The following ATP13A2 variants were observed in gnomAD, a reference collection of about 807,000 sequenced individuals.
ATP13A2 encodes the protein ATPase cation transporting 13A2.
In ATP13A2, 83 loss-of-function variants were observed where a neutral mutation model predicts 138.3. The observed-to-expected ratio is 0.60, with a 90% CI of 0.50 to 0.72. The LOEUF is 0.72. Ranked by LOEUF, ATP13A2 falls within the 30% of genes least tolerant of loss-of-function variation. The pLI is 0.00. For missense variants in ATP13A2, 1,402 were observed against 1,606.4 expected (o/e 0.87, Z 2.17); for synonymous variants, 663 against 699.0 (o/e 0.95, Z 0.81).
At chr1:17,007,143 G>A (rs980864431) in intron 1 of ATP13A2, among the ~76,000 whole-genome samples, 4 of 152,198 alleles carry the variant, frequency 2.6e-5, no homozygotes, top group African/African-American at 9.7e-5. Context: ...CTCCCTGAGT[G>A]CTGGGCTGAC....
At chr1:17,002,465 C>G (rs1175179881) in intron 6 of ATP13A2, 92 bp from the exon 7 acceptor site, 3 of 1,415,982 alleles carry the variant, frequency 2.1e-6, no homozygotes, top group Non-Finnish European at 2.9e-6. Flanking sequence ...GGGCTCTAGG[C>G]CCCCCATCCC....
chr1:16,989,852 G>T, intron 22 of ATP13A2, 35 bp downstream of exon 22: 1 of 1,609,002 alleles, frequency 6.2e-7, no homozygotes, highest in South Asian at 1.1e-5. Flanking sequence ...AGCAGGGGAG[G>T]CGCAGGGCGG....
Position 16,997,025 on chromosome 1 carries a change from C to A in ATP13A2, c.1190G>T (p.Arg397Leu). 1 of 1,611,884 alleles carries A rather than the reference C, an allele frequency of 6.2e-7. No individual in the cohort carries two copies. The highest frequency in any genetic ancestry group is 8.5e-7 in the Non-Finnish European group (1 of 1,179,858). The change falls in exon 12 of 29, where the codon CGC (arginine) becomes CTC (leucine). Residue 397 changes from arginine (R) to leucine (L), a missense_variant. Physicochemically the swap from Arg to Leu is moderately radical, Grantham distance 102 (BLOSUM62 -2). Transcript: ENST00000326735. ...VGPHVLAVVTRTGFCTAKGGL... is the reference protein window; with the variant it reads ...VGPHVLAVVTLTGFCTAKGGL... ...CCCAGCCTCCCGGCTCATACCTGTGCGGGTCACCACTGCCAGGACGTGCGG... is the reference window on the plus strand; with the variant it reads ...CCCAGCCTCCCGGCTCATACCTGTGAGGGTCACCACTGCCAGGACGTGCGG...
rs2077767809 is a variant in ATP13A2, at chr1:17,011,032, G to A, written c.10+697C>T. Among the ~76,000 whole-genome samples, 1 of 152,140 alleles carries A rather than the reference G, an allele frequency of 6.6e-6. No homozygotes were observed. Among genetic ancestry groups the A allele is most frequent in the African/African-American group, 2.4e-5 (1 of 41,432 alleles). ...CGGGGGGTGCACTCTAGGCTGTGGG[G>A]CTGGGGGCTGAGTGACAGACACTGA... On this transcript the variant is annotated intron_variant, in intron 1 of 28. Transcript: ENST00000326735. The surrounding 1 kb of genome is among the most constrained non-coding windows in gnomAD (Gnocchi z 7.3).
chr1:17,000,626 C>T, intron 8 of ATP13A2, 92 bp from the exon 9 acceptor site: 1 of 1,499,990 alleles, frequency 6.7e-7, no homozygotes, highest in South Asian at 1.3e-5. Context: ...GAGCAGAGGG[C>T]CCAGTGGCTG....
At chr1:17,003,387 G>A (rs1264070653) in intron 6 of ATP13A2, among the ~76,000 whole-genome samples, 1 of 151,904 alleles carries the variant, frequency 6.6e-6, no homozygotes, top group African/African-American at 2.4e-5. Flanking sequence ...GTGAAACCCC[G>A]TCCCTACAAA....
In ATP13A2 at chr1:16,989,722, T is replaced by C. The variant is rs2076856897; in HGVS notation, c.2578A>G (p.Thr860Ala). Residue 860 changes from threonine (T) to alanine (A), a missense_variant, in exon 23 of 29, where the codon ACA (threonine) becomes GCA (alanine). By Grantham distance (58) the Thr-to-Ala change is moderately conservative (BLOSUM62 0). Transcript: ENST00000326735. The part of the protein sequence containing the change: ...VFARMAPEQK[T>A]ELVCELQKLQ... Reference sequence around the variant, plus strand: ...TTCTGTAGCTCGCACACCAGCTCTGTCTTCTGCTCAGGGGCCATGCGGGCA... The same window carrying C: ...TTCTGTAGCTCGCACACCAGCTCTGCCTTCTGCTCAGGGGCCATGCGGGCA... 1 of 1,613,934 alleles carries C rather than the reference T, an allele frequency of 6.2e-7. No homozygotes were observed. Among genetic ancestry groups the C allele is most frequent in the Admixed American group, 1.7e-5 (1 of 59,998 alleles).
rs777422289 is a variant in ATP13A2 at position 16,990,206 on chromosome 1, G to A, written c.2333C>T (p.Ala778Val). The A allele has an allele frequency of 1.9e-6, 3 of 1,613,990 alleles. No homozygotes were observed. Among genetic ancestry groups the A allele is most frequent in the Non-Finnish European group, 2.5e-6 (3 of 1,180,022 alleles). The change falls in exon 21 of 29, where the codon GCC becomes GTC. Residue 778 changes from alanine (A) to valine (V), a missense_variant. Coordinates refer to ENST00000326735, the MANE Select transcript of ATP13A2 (RefSeq NM_022089.4). ...AGGCTGACCCCGCTCAGGGTGGGTG[G>A]CGTGGACGATGATCAGATGCTCCTG... ...APQEHLIIVH[A>V]THPERGQPAS...
intron 13 of ATP13A2, 42 bp downstream of exon 13, chr1:16,996,344 G>C (rs187138619): frequency 3.4e-5 from 55 of 1,599,432 alleles, no homozygotes; most frequent in African/African-American, 1.1e-4. Context: ...GGACCCAGGT[G>C]GGGGGGGCTA....
At position 16,995,193 on chromosome 1, in the gene ATP13A2, G is replaced by A. The variant is rs1220200528; in HGVS notation, c.1542+783C>T. ...TCTCCTCGACCTGCCCCTCACTGAG[G>A]TCACTGAGGGACCTGCTCAGGGGGC... On this transcript the variant is annotated intron_variant, in intron 15 of 28. Transcript: ENST00000326735. The surrounding 1 kb of genome is among the most constrained non-coding windows in gnomAD (Gnocchi z 4.1). Among the ~76,000 whole-genome samples, 3 of 152,150 alleles carry A rather than the reference G, an allele frequency of 2.0e-5. No individual in the cohort carries two copies. The highest frequency in any genetic ancestry group is 4.8e-5 in the African/African-American group (2 of 41,428).
rs763122225 is a variant in ATP13A2 at position 16,991,729 on chromosome 1, T to G, written c.2251+5A>C. ...GCTAGCCCGGGCCCCTACATGCCAT[T>G]GTACCTGTCACCATGACGGCGCGGA... On this transcript the variant is annotated splice_donor_5th_base_variant and intron_variant, in intron 20 of 28. Transcript: ENST00000326735. The G allele has an allele frequency of 6.2e-7, 1 of 1,614,088 alleles. No homozygotes were observed. The highest frequency in any genetic ancestry group is 8.5e-7 in the Non-Finnish European group (1 of 1,180,036).
At chr1:17,000,802 T>C (rs2077326485) in intron 8 of ATP13A2, 1 of 437,666 alleles carries the variant, frequency 2.3e-6, no homozygotes, top group Non-Finnish European at 4.2e-6. Context: ...ATTAGCCTGA[T>C]GGGGTGGCCT....
chr1:17,007,650 C>A (rs1277183806), intron 1 of ATP13A2, among the ~76,000 whole-genome samples: 1 of 149,574 alleles, frequency 6.7e-6, no homozygotes, highest in Non-Finnish European at 1.5e-5. Flanking sequence ...CTTCCGGGTT[C>A]ACACCATTCT....
In ATP13A2 at chr1:17,005,746, C is replaced by A; in HGVS notation, c.43G>T (p.Gly15Cys). Reference protein sequence around the residue: ...SSPLVGSTPTGYGTLTIGTSI... With the variant: ...SSPLVGSTPTCYGTLTIGTSI... ...GTCCCTATCGTCAGGGTCCCATAAC[C>A]GGTGGGCGTGCTGCCCACGAGAGGG... Residue 15 changes from glycine (G) to cysteine (C), a missense_variant, in exon 2 of 29, where the codon GGT becomes TGT. By Grantham distance (159) the Gly-to-Cys change is radical. Coordinates refer to ENST00000326735, the MANE Select transcript of ATP13A2 (RefSeq NM_022089.4). 1 of 1,612,868 alleles carries A rather than the reference C, an allele frequency of 6.2e-7. No individual in the cohort carries two copies. Among genetic ancestry groups the A allele is most frequent in the East Asian group, 2.2e-5 (1 of 44,828 alleles).
rs373005131 is a variant in ATP13A2 at position 16,993,833 on chromosome 1, C to A, written c.1545G>T (p.Thr515=). The change falls in exon 16 of 29, where the codon ACG becomes ACT. Residue 515 remains threonine (T), a splice_region_variant and synonymous_variant. Coordinates refer to ENST00000326735, the MANE Select transcript of ATP13A2 (RefSeq NM_022089.4). ...GKLQLVCFDK[T]GTLTEDGLDV... is the part of the protein sequence containing the mutation. ...CTAAGCCGTCCTCAGTGAGGGTGCC[C>A]GTCTGTGGGAGACAGGTGGGTGGGG... 1.3e-6 allele frequency: 2 copies of A among 1,553,136 alleles called. No homozygotes were observed. Among genetic ancestry groups the A allele is most frequent in the African/African-American group, 1.4e-5 (1 of 73,450 alleles).
Position 16,993,779 on chromosome 1 carries a change from C to G in ATP13A2, c.1599G>C (p.Gly533=). 1 of 1,586,912 alleles carries G rather than the reference C, an allele frequency of 6.3e-7. No individual in the cohort carries two copies. Among genetic ancestry groups the G allele is most frequent in the African/African-American group, 1.3e-5 (1 of 74,470 alleles). ...CTGGGACCAGGGGCAGGAATGCCTGCCCCTTCAGGGGCACCACCCCCATCA... is the reference window on the plus strand; with the variant it reads ...CTGGGACCAGGGGCAGGAATGCCTGGCCCTTCAGGGGCACCACCCCCATCA... ...LDVMGVVPLK[G]QAFLPLVPEP... The change falls in exon 16 of 29, where the codon GGG becomes GGC. Residue 533 remains glycine (G), a synonymous_variant. Coordinates refer to ENST00000326735, the MANE Select transcript of ATP13A2 (RefSeq NM_022089.4).
At position 17,005,862 on chromosome 1, in the gene ATP13A2, C is replaced by A. The variant is rs1007140834; in HGVS notation, c.11-84G>T. 106 of 1,327,886 alleles carry A rather than the reference C, an allele frequency of 8.0e-5. 1 individual carries two copies. The African/African-American group carries it at 1.5e-3, about 19-fold the overall frequency. The allele number at this position is 1,327,886 out of a possible 1,614,324, so 82.3% of individuals were successfully genotyped here. The stretch of plus-strand genomic sequence containing the variant: ...AAAACAATAAACATCAGCCTGGGCG[C>A]GGTGGCTCACGCCTGTAATCCCAGC... On this transcript the variant is annotated intron_variant, in intron 1 of 28. Transcript: ENST00000326735.
intron 23 of ATP13A2, 45 bp from the exon 24 acceptor site, chr1:16,988,519 C>G: frequency 1.2e-6 from 2 of 1,612,692 alleles, no homozygotes; most frequent in Non-Finnish European, 8.5e-7. Flanking sequence ...ATTACCCCAC[C>G]ACCCCATGGG....
In ATP13A2 at chr1:16,995,961, C is replaced by A; in HGVS notation, c.1542+15G>T. ...CTGTCCCGCTCCCCTGCACCAACCC[C>A]ACCTGCGGCCCCACCTTGTCGAAAC... On this transcript the variant is annotated intron_variant, in intron 15 of 28. Coordinates refer to ENST00000326735, the MANE Select transcript of ATP13A2 (RefSeq NM_022089.4). This position sits in a 1 kb window ranked among gnomAD's most constrained non-coding sequence, Gnocchi z 4.1. 3.7e-6 allele frequency: 6 copies of A among 1,613,812 alleles called. No individual in the cohort carries two copies. The highest frequency in any genetic ancestry group is 5.1e-6 in the Non-Finnish European group (6 of 1,180,020).
Sources: gnomAD v4.1 joint callset for allele counts (sites outside exome capture counted in the v4.1 genomes callset) on GRCh38, gnomAD v4.1.1 for gene constraint, Gnocchi (gnomAD v3.1) non-coding constraint, MANE v1.5 for transcripts, NCBI Gene and HGNC (gene_info 2026-07-23, HGNC 2026-07-21) for gene names.